The following GBP4 variants were observed in gnomAD, a reference collection of about 807,000 sequenced individuals.
The protein encoded by GBP4 is guanylate binding protein 4.
Under a neutral mutation model 62.2 loss-of-function variants are expected in GBP4, and 69 were observed. The ratio of observed to expected loss-of-function variants is 1.11; its 90% CI spans 0.91 to 1.36. The LOEUF (loss-of-function observed/expected upper bound fraction) is 1.36. Ranked by LOEUF, GBP4 falls within the 40% of genes most tolerant of loss-of-function variation. The pLI, the probability that GBP4 is intolerant of heterozygous loss-of-function variation, is 0.00. For synonymous variants in GBP4, 278 were observed against 274.6 expected (o/e 1.01, Z -0.12); for missense variants, 697 against 759.3 (o/e 0.92, Z 0.96).
rs765296167 is a variant in GBP4, at chr1:89,193,412, T to C, written c.364A>G (p.Ser122Gly). The C allele has an allele frequency of 2.5e-6, 4 of 1,612,244 alleles. No individual in the cohort carries two copies. Among genetic ancestry groups the C allele is most frequent in the Non-Finnish European group, 3.4e-6 (4 of 1,178,302 alleles). Residue 122 changes from serine (S) to glycine (G), a missense_variant and splice_region_variant, in exon 4 of 11, where the codon AGT becomes GGT. Coordinates refer to ENST00000355754, the MANE Select transcript of GBP4 (RefSeq NM_052941.5). ...DTEGLGDVEK[S>G]NPKNDSWIFA... is the part of the protein sequence containing the mutation. Reference sequence around the variant, plus strand: ...ATCCACGAGTCATTCTTAGGGTTACTCTAGAAAGCATATAAAGCAAAAGAC... The same window carrying C: ...ATCCACGAGTCATTCTTAGGGTTACCCTAGAAAGCATATAAAGCAAAAGAC...
In GBP4 at chr1:89,191,123, T is replaced by G. The variant is rs1570375225; in HGVS notation, c.916+138A>C. On this transcript the variant is annotated intron_variant, in intron 6 of 10. Transcript: ENST00000355754. The stretch of plus-strand genomic sequence containing the variant: ...AAACTTTAATTAAGAAACATTCATT[T>G]CTATGTGTGCAATGAACATCTCCTT... 5.0e-6 allele frequency: 5 copies of G among 1,009,472 alleles called. No individual in the cohort carries two copies. In the East Asian group the frequency reaches 1.2e-4, roughly 24 times the overall value. 62.5% of individuals were successfully genotyped at this position (1,009,472 alleles called of 1,614,324 possible).
In GBP4 at chr1:89,190,207, T is replaced by C; in HGVS notation, c.1028A>G (p.Gln343Arg). ...LAQLENPAAV[Q>R]RAADHYSQQM... Reference sequence around the variant, plus strand: ...CTGGCTATAGTGGTCGGCTGCCCTCTGCACAGCCGCTGGGTTCTCAAGCTG... The same window carrying C: ...CTGGCTATAGTGGTCGGCTGCCCTCCGCACAGCCGCTGGGTTCTCAAGCTG... Residue 343 changes from glutamine to arginine, a missense_variant, in exon 7 of 11, where the codon CAG becomes CGG. Physicochemically the swap from Gln to Arg is conservative, Grantham distance 43. This residue lies in a region of GBP4 where 556 missense variants were observed against 562.7 expected (regional missense o/e 0.99). Transcript: ENST00000355754. 1 of 1,614,156 alleles carries C rather than the reference T, an allele frequency of 6.2e-7. No individual in the cohort carries two copies. The highest frequency in any genetic ancestry group is 8.5e-7 in the Non-Finnish European group (1 of 1,180,012).
At chr1:89,195,551 G>T in intron 2 of GBP4, 127 bp from the exon 3 acceptor site, 2 of 1,051,146 alleles carry the variant, frequency 1.9e-6, no homozygotes, top group Non-Finnish European at 2.8e-6. Context: ...TCCATCTCAG[G>T]CAGGACAACT....
chr1:89,186,476 C>T lies in GBP4; in HGVS notation c.1564G>A (p.Glu522Lys), dbSNP rs1359818488. ...AAEKEQELLR[E>K]KQKEQQQMME... ...ATTTGCTGCTGCTCCTTCTGTTTTT[C>T]TCTTAGCAGCTCCTGTTCCTTCTCA... The change falls in exon 10 of 11, where the codon GAA becomes AAA. Residue 522 changes from glutamate (E) to lysine (K), a missense_variant. Physicochemically the swap from Glu to Lys is moderately conservative, Grantham distance 56. This residue lies in a region of GBP4 where 141 missense variants were observed against 196.6 expected (regional missense o/e 0.72). Transcript: ENST00000355754. 6.2e-7 allele frequency: 1 copy of T among 1,614,146 alleles called. No homozygotes were observed.
chr1:89,192,866 C>T (rs762391173), intron 5 of GBP4, 38 bp downstream of exon 5: 7 of 1,594,548 alleles, frequency 4.4e-6, no homozygotes, highest in Non-Finnish European at 6.0e-6. Flanking sequence ...ATCCTACCCC[C>T]CACTGAACCT....
At chr1:89,191,610 G>T in intron 5 of GBP4, 104 bp from the exon 6 acceptor site, 1 of 1,156,830 alleles carries the variant, frequency 8.6e-7, no homozygotes, top group Non-Finnish European at 1.2e-6. Flanking sequence ...CCCCTGCCTT[G>T]TAAATCTTGT....
rs1413693189 is a variant in GBP4, at chr1:89,183,778, GT to G, written c.*1475del. 6.6e-6 allele frequency: 1 copy of G among 152,280 alleles called. No homozygotes were observed. Among genetic ancestry groups the G allele is most frequent in the Non-Finnish European group, 1.5e-5 (1 of 68,100 alleles). The allele number at this position is 152,280 out of a possible 1,614,324, so 9.4% of individuals were successfully genotyped here. On this transcript the variant is annotated 3_prime_UTR_variant, in exon 11 of 11. Coordinates refer to ENST00000355754, the MANE Select transcript of GBP4 (RefSeq NM_052941.5). ...ACCTGTAGTCCCAGCTATGTGGGGG[GT>G]TGAGGTGAAAGGACTGCTTGAGCCT...
At chr1:89,187,784 C>A (rs1013676631) in intron 8 of GBP4, among the ~76,000 whole-genome samples, 1 of 152,148 alleles carries the variant, frequency 6.6e-6, no homozygotes, top group Non-Finnish European at 1.5e-5. Context: ...ACCACAGTGA[C>A]ATTTTATCTC....
Position 89,182,100 on chromosome 1 carries a change from GCC to G in GBP4, c.*3152_*3153del. The G allele has an allele frequency of 6.6e-6, 1 of 152,308 alleles. No homozygotes were observed. The highest frequency in any genetic ancestry group is 2.1e-4 in the South Asian group (1 of 4,824). The allele number at this position is 152,308 out of a possible 1,614,324, so 9.4% of individuals were successfully genotyped here. ...TGAGGAAGCCGGGTTGTTTTAAGAA[GCC>G]TGTGTCCCCTGTGAAAAGGCCCATG... On this transcript the variant is annotated 3_prime_UTR_variant, in exon 11 of 11. Transcript: ENST00000355754.
chr1:89,197,975 G>C (rs1331203860), intron 1 of GBP4, among the ~76,000 whole-genome samples: 1 of 152,018 alleles, frequency 6.6e-6, no homozygotes, highest in Admixed American at 6.6e-5. Context: ...TCGGCCCGAA[G>C]AAGGGGCTAG....
At chr1:89,188,172 C>G (rs1648086548) in intron 8 of GBP4, among the ~76,000 whole-genome samples, 1 of 152,026 alleles carries the variant, frequency 6.6e-6, no homozygotes, top group Non-Finnish European at 1.5e-5. Flanking sequence ...AGATCATCAT[C>G]ATCATCATCA....
rs776209967 is a variant in GBP4, at chr1:89,193,085, T to C, written c.489A>G (p.Leu163=). 1.2e-6 allele frequency: 2 copies of C among 1,614,144 alleles called. No homozygotes were observed. Among genetic ancestry groups the C allele is most frequent in the Admixed American group, 3.3e-5 (2 of 60,030 alleles). Residue 163 remains leucine, a synonymous_variant, in exon 5 of 11, where the codon CTA becomes CTG. Transcript: ENST00000355754. ...ALEQLHYVTE[L]AELIRAKSCP... ...AGGATTTTGCCCTGATTAGCTCTGC[T>C]AGCTCAGTCACATAGCTGGGATCTC... is the stretch of plus-strand genomic sequence containing the variant.
intron 8 of GBP4, among the ~76,000 whole-genome samples, chr1:89,188,265 TACACTTCTGAAA>T (rs1298266469): frequency 6.6e-6 from 1 of 152,190 alleles, no homozygotes; most frequent in Non-Finnish European, 1.5e-5. Flanking sequence ...GGTAAAATAA[TACACTTCTGAAA>T]ACATAGTTGT....
At chr1:89,189,778 C>T (rs1163569935) in intron 7 of GBP4, among the ~76,000 whole-genome samples, 1 of 152,188 alleles carries the variant, frequency 6.6e-6, no homozygotes, top group Non-Finnish European at 1.5e-5. Flanking sequence ...CTGATAAGGA[C>T]TTCTGACCTA....
At chr1:89,193,447 T>C in intron 3 of GBP4, 35 bp from the exon 4 acceptor site, 2 of 1,493,564 alleles carry the variant, frequency 1.3e-6, no homozygotes, top group Non-Finnish European at 1.9e-6. Flanking sequence ...CTTAGGAGTA[T>C]TCTCTTCATT....
chr1:89,196,796 GACCAGGTATCCT>G (rs66799957), intron 2 of GBP4, among the ~76,000 whole-genome samples: 10,672 of 152,186 alleles, frequency 0.07, 1,237 homozygotes, highest in African/African-American at 0.24. Context: ...TATTTGAAGT[GACCAGGTATCCT>G]ACACAAAAGT....
rs773257154 is a variant in GBP4 at position 89,197,071 on chromosome 1, G to A, written c.235+39C>T. The A allele has an allele frequency of 1.2e-5, 19 of 1,555,854 alleles. No homozygotes were observed. The African/African-American group carries it at 2.6e-4, about 21-fold the overall frequency. On this transcript the variant is annotated intron_variant, in intron 2 of 10. Transcript: ENST00000355754. ...GGTGTGATCAGCTGTGTTATCACTG[G>A]TTCCAAGTAAATGGCTCCTGTCCTA...
In GBP4 at chr1:89,191,268, A is replaced by G; in HGVS notation, c.909T>C (p.Thr303=). The change falls in exon 6 of 11, where the codon ACT becomes ACC. Residue 303 remains threonine, a synonymous_variant. Transcript: ENST00000355754. ...GGACAAAAAAAGACTCACGCTTTCCAGTGACAATGATTCCCTCTCTCAGGG... is the reference window on the plus strand; with the variant it reads ...GGACAAAAAAAGACTCACGCTTTCCGGTGACAATGATTCCCTCTCTCAGGG... The part of the protein sequence containing the change: ...TKTLREGIIV[T]GKRLGTLVVT... 1 of 1,611,340 alleles carries G rather than the reference A, an allele frequency of 6.2e-7. No homozygotes were observed. Among genetic ancestry groups the G allele is most frequent in the South Asian group, 1.1e-5 (1 of 91,038 alleles).
intron 3 of GBP4, 54 bp from the exon 4 acceptor site, chr1:89,193,466 C>A: frequency 1.4e-6 from 2 of 1,466,522 alleles, no homozygotes; most frequent in Non-Finnish European, 1.9e-6. Flanking sequence ...TTCATTCATT[C>A]ATTCATTTGG....
Sources: allele counts gnomAD v4.1 joint callset (sites outside exome capture counted in the v4.1 genomes callset), GRCh38; gene constraint gnomAD v4.1.1; regional missense constraint gnomAD v4.1.1; transcripts MANE v1.5; gene names NCBI Gene and HGNC (gene_info 2026-07-23, HGNC 2026-07-21).